Variants in PRDM16 observed in about 807,000 individuals in gnomAD.
The protein encoded by PRDM16 is histone-lysine N-methyltransferase PRDM16.
A neutral mutation model predicts 110.6 loss-of-function variants in PRDM16; 23 were observed. The ratio of observed to expected loss-of-function variants is 0.21; its 90% CI spans 0.15 to 0.29. The LOEUF (loss-of-function observed/expected upper bound fraction) is 0.29, where lower values mean the gene tolerates loss of function less well. Among genes scored for constraint, PRDM16 ranks in the 10% least tolerant of loss-of-function variants. PRDM16 has a pLI of 1.00. For missense variants in PRDM16, 1,615 were observed against 1,794.3 expected (o/e 0.90, Z 1.81); for synonymous variants, 799 against 781.8 (o/e 1.02, Z -0.37).
intron 3 of PRDM16, among the ~76,000 whole-genome samples, chr1:3,299,155 G>A (rs1012623546): frequency 1.5e-4 from 23 of 151,924 alleles, no homozygotes; most frequent in Non-Finnish European, 2.9e-4. Flanking sequence ...CTCTGCCCTG[G>A]TTGAAGATGC....
At chr1:3,340,720 T>G (rs1281179876) in intron 3 of PRDM16, among the ~76,000 whole-genome samples, 1 of 152,194 alleles carries the variant, frequency 6.6e-6, no homozygotes, top group Non-Finnish European at 1.5e-5. Context: ...AACTAAATGT[T>G]TCCACTCACT....
At chr1:3,237,300 C>A (rs1639560621) in intron 2 of PRDM16, among the ~76,000 whole-genome samples, 2 of 152,090 alleles carry the variant, frequency 1.3e-5, no homozygotes, top group African/African-American at 4.8e-5. Context: ...CTCATTTGCC[C>A]CCTGCTAACA....
intron 3 of PRDM16, among the ~76,000 whole-genome samples, chr1:3,335,976 T>A (rs1177561844): frequency 2.0e-5 from 3 of 152,218 alleles, no homozygotes; most frequent in Admixed American, 2.0e-4. Flanking sequence ...CTCCCTGAAG[T>A]CAGTCGTGGA....
Position 3,267,648 on chromosome 1 carries a change from C to G in PRDM16, c.438+23511C>G, listed in dbSNP as rs953628823. 3.3e-5 allele frequency among the ~76,000 whole-genome samples: 5 copies of G among 152,232 alleles called. No homozygotes were observed. In the South Asian group the frequency reaches 1.0e-3, roughly 31 times the overall value. Reference sequence around the variant, plus strand: ...CGTTTGACTCAGAGCTGCTCAGAAACGAGGAGCGGCCTCACAGAGCGGCTG... The same window carrying G: ...CGTTTGACTCAGAGCTGCTCAGAAAGGAGGAGCGGCCTCACAGAGCGGCTG... On this transcript the variant is annotated intron_variant, in intron 3 of 16. Coordinates refer to ENST00000270722, the MANE Select transcript of PRDM16 (RefSeq NM_022114.4).
Position 3,430,936 on chromosome 1 carries a change from G to A in PRDM16, c.3349G>A (p.Asp1117Asn), listed in dbSNP as rs752685996. ...CPGLASEKQEDVEEEDDDDLE... is the reference protein window; with the variant it reads ...CPGLASEKQENVEEEDDDDLE... ...AGGCCTAGCCAGTGAGAAGCAGGAG[G>A]ACGTGGAGGAGGAGGACGACGATGA... The change falls in exon 15 of 17, where the codon GAC becomes AAC. Residue 1117 changes from aspartate (D) to asparagine (N), a missense_variant. Transcript: ENST00000270722. 6.8e-6 allele frequency: 11 copies of A among 1,614,042 alleles called. No individual in the cohort carries two copies. The South Asian group carries it at 1.2e-4, about 18-fold the overall frequency.
At chr1:3,318,632 T>A (rs1480178130) in intron 3 of PRDM16, among the ~76,000 whole-genome samples, 1 of 152,194 alleles carries the variant, frequency 6.6e-6, no homozygotes, top group Non-Finnish European at 1.5e-5. Context: ...TCTGTCTAAT[T>A]TATTTTCCAA....
At chr1:3,218,788 T>C (rs1182299139) in intron 2 of PRDM16, among the ~76,000 whole-genome samples, 1 of 152,114 alleles carries the variant, frequency 6.6e-6, no homozygotes, top group African/African-American at 2.4e-5. Context: ...CTCAGGACGC[T>C]CCTCCCCCAG....
chr1:3,412,246 G>A lies in PRDM16; in HGVS notation c.2049G>A (p.Leu683=), dbSNP rs374601479. 8.1e-6 allele frequency: 13 copies of A among 1,610,844 alleles called. No individual in the cohort carries two copies. The African/African-American group carries it at 1.6e-4, about 20-fold the overall frequency. Residue 683 remains leucine (L), a synonymous_variant, in exon 9 of 17, where the codon CTG becomes CTA. Coordinates refer to ENST00000270722, the MANE Select transcript of PRDM16 (RefSeq NM_022114.4). ...TCCCGCCACCCGACGAGCAGCTGCT[G>A]ACTGCAACGGGCGCCGCCGGGGACT... ...SFFPPPDEQL[L]TATGAAGDSI...
At chr1:3,199,365 T>C (rs1028199447) in intron 2 of PRDM16, among the ~76,000 whole-genome samples, 3 of 152,164 alleles carry the variant, frequency 2.0e-5, no homozygotes, top group African/African-American at 7.2e-5. Flanking sequence ...TACGTGAACA[T>C]AAGCAACATG....
At chr1:3,132,191 G>A (rs185427685) in intron 1 of PRDM16, among the ~76,000 whole-genome samples, 21 of 152,296 alleles carry the variant, frequency 1.4e-4, no homozygotes, top group Admixed American at 1.4e-3. Flanking sequence ...TTTGGAACCA[G>A]GATGAAGGGT....
chr1:3,127,068 C>T (rs1437385253), intron 1 of PRDM16, among the ~76,000 whole-genome samples: 1 of 151,976 alleles, frequency 6.6e-6, no homozygotes, highest in Non-Finnish European at 1.5e-5. Context: ...GCAGTGGGGA[C>T]GAGACTTAGA....
At chr1:3,253,304 C>G (rs1260643034) in intron 3 of PRDM16, among the ~76,000 whole-genome samples, 1 of 150,802 alleles carries the variant, frequency 6.6e-6, no homozygotes, top group Non-Finnish European at 1.5e-5. Context: ...TGTGCTGTAC[C>G]CAATAACTCG....
chr1:3,320,577 C>T (rs758754629), intron 3 of PRDM16, among the ~76,000 whole-genome samples: 3 of 152,166 alleles, frequency 2.0e-5, no homozygotes, highest in Admixed American at 6.5e-5. Context: ...ATCTGTCCCC[C>T]GGACACAGAG....
chr1:3,278,303 T>A (rs1032340222), intron 3 of PRDM16, among the ~76,000 whole-genome samples: 1 of 152,162 alleles, frequency 6.6e-6, no homozygotes. Flanking sequence ...TAAAGGGGCG[T>A]CTTTCCTAGG....
chr1:3,274,772 C>A (rs1011392031), intron 3 of PRDM16, among the ~76,000 whole-genome samples: 1 of 152,218 alleles, frequency 6.6e-6, no homozygotes, highest in African/African-American at 2.4e-5. Flanking sequence ...TTTGCTGCTG[C>A]ATGGCTGGCT....
At chr1:3,407,480 G>A (rs1236753087) in intron 8 of PRDM16, among the ~76,000 whole-genome samples, 1 of 152,188 alleles carries the variant, frequency 6.6e-6, no homozygotes, top group Non-Finnish European at 1.5e-5. Context: ...CTTTCCTCTG[G>A]GAGAAGCCAG....
At chr1:3,409,853 T>G (rs1415629964) in intron 8 of PRDM16, among the ~76,000 whole-genome samples, 2 of 142,324 alleles carry the variant, frequency 1.4e-5, no homozygotes, top group Admixed American at 7.0e-5. Context: ...TGTGGGTGTG[T>G]GTGTGGTGTT....
At chr1:3,400,811 C>A (rs1643456169) in intron 5 of PRDM16, among the ~76,000 whole-genome samples, 3 of 152,212 alleles carry the variant, frequency 2.0e-5, no homozygotes, top group Admixed American at 2.0e-4. Flanking sequence ...TTTGGTGCAT[C>A]TTGACCAGCA....
intron 1 of PRDM16, among the ~76,000 whole-genome samples, chr1:3,090,874 CGAAAGCA>C: frequency 6.6e-6 from 1 of 152,302 alleles, no homozygotes; most frequent in Admixed American, 6.5e-5. Flanking sequence ...GGCTCCGAGC[CGAAAGCA>C]GAATCTCCAG....
Sources: allele counts gnomAD v4.1 joint callset (sites outside exome capture counted in the v4.1 genomes callset), GRCh38; gene constraint gnomAD v4.1.1; transcripts MANE v1.5; gene names NCBI Gene and HGNC (gene_info 2026-07-23, HGNC 2026-07-21).